NEUROD6: variants seen among roughly 807,000 people sequenced by gnomAD.
NEUROD6 encodes neuronal differentiation 6.
In NEUROD6, 5 loss-of-function variants were observed where a neutral mutation model predicts 24.1. That is an observed-to-expected ratio of 0.21 (90% CI 0.11 to 0.44). The LOEUF is 0.44. Among genes scored for constraint, NEUROD6 ranks in the 20% least tolerant of loss-of-function variants. The probability of loss-of-function intolerance (pLI) is 0.99; values close to 1 mark genes in which losing one functional copy is unlikely to be tolerated. For synonymous variants in NEUROD6, 182 were observed against 154.1 expected (o/e 1.18, Z -1.34); for missense variants, 325 against 409.5 (o/e 0.79, Z 1.78).
At chr7:31,340,062 CA>C (rs534519682) in intron 1 of NEUROD6, among the ~76,000 whole-genome samples, 5 of 151,808 alleles carry the variant, frequency 3.3e-5, no homozygotes, top group Non-Finnish European at 7.4e-5. Flanking sequence ...AAATTTTTTC[CA>C]AATAGAATTG....
chr7:31,339,285 ATTACCTG>A lies in NEUROD6; in HGVS notation c.-21-3_-18del, dbSNP rs1584667006. The A allele has an allele frequency of 1.3e-6, 2 of 1,563,466 alleles. No individual in the cohort carries two copies. Among genetic ancestry groups the A allele is most frequent in the South Asian group, 1.2e-5 (1 of 82,644 alleles). On this transcript the variant is annotated splice_acceptor_variant and splice_polypyrimidine_tract_variant and 5_prime_UTR_variant and intron_variant, in exon 2 of 2. Transcript: ENST00000297142. LOFTEE classifies it low-confidence loss of function (5UTR_SPLICE). The stretch of plus-strand genomic sequence containing the variant: ...TGTTAACATGGTTCTCTAATCTTAA[ATTACCTG>A]AAAAAATGCCAGCACAATATTTAAA...
intron 1 of NEUROD6, 69 bp from the exon 2 acceptor site, chr7:31,339,358 A>C: frequency 8.3e-7 from 1 of 1,200,224 alleles, no homozygotes; most frequent in Non-Finnish European, 1.1e-6. Context: ...AAACATATTT[A>C]ATTATTTAAT....
At position 31,338,205 on chromosome 7, in the gene NEUROD6, T is replaced by C. The variant is rs992089386; in HGVS notation, c.*50A>G. 15 of 1,498,898 alleles carry C rather than the reference T, an allele frequency of 1.0e-5. No individual in the cohort carries two copies. The highest frequency in any genetic ancestry group is 2.4e-5 in the South Asian group (2 of 85,102). 92.8% of individuals were successfully genotyped at this position (1,498,898 alleles called of 1,614,324 possible). ...TCAGCCCACAAGCATCTGCTTTGTC[T>C]TAATTAGACAGGGGAGGTGAATGAC... On this transcript the variant is annotated 3_prime_UTR_variant, in exon 2 of 2. Coordinates refer to ENST00000297142, the MANE Select transcript of NEUROD6 (RefSeq NM_022728.4). This position sits in a 1 kb window ranked among gnomAD's most constrained non-coding sequence, Gnocchi z 5.1.
Position 31,338,724 on chromosome 7 carries a change from T to G in NEUROD6, c.545A>C (p.Gln182Pro). ...CATCAGGAAACTCCTGGCGTTGAGC[T>G]GCAAGCAGCCTGCCACCAAGTTTGT... The part of the protein sequence containing the change: ...PTTNLVAGCL[Q>P]LNARSFLMGQ... The change falls in exon 2 of 2, where the codon CAG becomes CCG. Residue 182 changes from glutamine to proline, a missense_variant. This residue lies in a region of NEUROD6 where 175 missense variants were observed against 201.3 expected (regional missense o/e 0.87). Transcript: ENST00000297142. This position sits in a 1 kb window ranked among gnomAD's most constrained non-coding sequence, Gnocchi z 5.1. 1.2e-6 allele frequency: 2 copies of G among 1,614,104 alleles called. No homozygotes were observed. The highest frequency in any genetic ancestry group is 1.7e-6 in the Non-Finnish European group (2 of 1,180,024).
intron 1 of NEUROD6, among the ~76,000 whole-genome samples, chr7:31,340,197 A>C (rs1474153098): frequency 6.6e-6 from 1 of 152,226 alleles, no homozygotes; most frequent in Non-Finnish European, 1.5e-5. Flanking sequence ...TTCTGACTGC[A>C]ATTGTGCACG....
Position 31,339,066 on chromosome 7 carries a change from T to A in NEUROD6, c.203A>T (p.Glu68Val), listed in dbSNP as rs754658748. 1.1e-5 allele frequency: 17 copies of A among 1,614,082 alleles called. No individual in the cohort carries two copies. The East Asian group carries it at 3.8e-4, about 36-fold the overall frequency. Reference sequence around the variant, plus strand: ...CCTTCTAGGCAACCCATTTTCATCTTCCTCTTCCCTGTCTTCCTCCTCTTC... The same window carrying A: ...CCTTCTAGGCAACCCATTTTCATCTACCTCTTCCCTGTCTTCCTCCTCTTC... ...KEEEEEDREE[E>V]DENGLPRRRG... The change falls in exon 2 of 2, where the codon GAA becomes GTA. Residue 68 changes from glutamate (E) to valine (V), a missense_variant. Coordinates refer to ENST00000297142, the MANE Select transcript of NEUROD6 (RefSeq NM_022728.4).
Position 31,338,106 on chromosome 7 carries a change from A to G in NEUROD6, c.*149T>C, listed in dbSNP as rs1009293314. The G allele has an allele frequency of 1.1e-5, 7 of 609,946 alleles. No homozygotes were observed. Among genetic ancestry groups the G allele is most frequent in the African/African-American group, 7.4e-5 (4 of 54,418 alleles). The allele number at this position is 609,946 out of a possible 1,614,324, so 37.8% of individuals were successfully genotyped here. ...CATACGAAAAGAGATTTATTATTAC[A>G]TAGAAAATTCTCACAATAGTTGAAA... On this transcript the variant is annotated 3_prime_UTR_variant, in exon 2 of 2. Coordinates refer to ENST00000297142, the MANE Select transcript of NEUROD6 (RefSeq NM_022728.4). The surrounding 1 kb of genome is among the most constrained non-coding windows in gnomAD (Gnocchi z 5.1).
chr7:31,338,031 G>A lies in NEUROD6; in HGVS notation c.*224C>T, dbSNP rs1236096457. 1 of 501,862 alleles carries A rather than the reference G, an allele frequency of 2.0e-6. No homozygotes were observed. The highest frequency in any genetic ancestry group is 3.5e-6 in the Non-Finnish European group (1 of 287,156). 31.1% of individuals were successfully genotyped at this position (501,862 alleles called of 1,614,324 possible). A position where few individuals can be genotyped will look rare whatever the true frequency, so the allele number is the denominator to read the frequency against. ...TAAAAAGAAAAAAATCTTTCCAGTA[G>A]AAACAGAATCACAGTGCTTCACAGA... On this transcript the variant is annotated 3_prime_UTR_variant, in exon 2 of 2. Transcript: ENST00000297142. This position sits in a 1 kb window ranked among gnomAD's most constrained non-coding sequence, Gnocchi z 5.1.
In NEUROD6 at chr7:31,338,661, G is replaced by C. The variant is rs1783093596; in HGVS notation, c.608C>G (p.Pro203Arg). 1 of 1,614,024 alleles carries C rather than the reference G, an allele frequency of 6.2e-7. No homozygotes were observed. Among genetic ancestry groups the C allele is most frequent in the Non-Finnish European group, 8.5e-7 (1 of 1,180,006 alleles). Reference sequence around the variant, plus strand: ...GTAGGGTGGGTAGAAGGTAGAGTAGGGTGACCTTGTGTGGTGTGCAGCCTC... The same window carrying C: ...GTAGGGTGGGTAGAAGGTAGAGTAGCGTGACCTTGTGTGGTGTGCAGCCTC... ...GGEAAHHTRS[P>R]YSTFYPPYHS... The change falls in exon 2 of 2, where the codon CCC becomes CGC. Residue 203 changes from proline to arginine, a missense_variant. Coordinates refer to ENST00000297142, the MANE Select transcript of NEUROD6 (RefSeq NM_022728.4). This position sits in a 1 kb window ranked among gnomAD's most constrained non-coding sequence, Gnocchi z 5.1.
rs1433629102 is a variant in NEUROD6 at position 31,339,407 on chromosome 7, G to C, written c.-21-118C>G. 1.1e-5 allele frequency: 9 copies of C among 798,892 alleles called. No individual in the cohort carries two copies. The Admixed American group carries it at 3.2e-4, about 28-fold the overall frequency. The allele number at this position is 798,892 out of a possible 1,614,324, so 49.5% of individuals were successfully genotyped here. Reference sequence around the variant, plus strand: ...AAACACGTGAAAAAGACTGATTCTGGGCCTGATTTTTTAACATTAAATATA... The same window carrying C: ...AAACACGTGAAAAAGACTGATTCTGCGCCTGATTTTTTAACATTAAATATA... On this transcript the variant is annotated intron_variant, in intron 1 of 1. Transcript: ENST00000297142.
chr7:31,338,385 G>A lies in NEUROD6; in HGVS notation c.884C>T (p.Pro295Leu), dbSNP rs1438059429. The change falls in exon 2 of 2, where the codon CCA (proline) becomes CTA (leucine). Residue 295 changes from proline (P) to leucine (L), a missense_variant. This residue lies in a region of NEUROD6 where 175 missense variants were observed against 201.3 expected (regional missense o/e 0.87). Coordinates refer to ENST00000297142, the MANE Select transcript of NEUROD6 (RefSeq NM_022728.4). This position sits in a 1 kb window ranked among gnomAD's most constrained non-coding sequence, Gnocchi z 5.1. Reference protein sequence around the residue: ...YNYGMHYCAVPPRGPLGQGAM... With the variant: ...YNYGMHYCAVLPRGPLGQGAM... ...ACCCTGCCCAAGGGGACCCCTGGGT[G>A]GCACTGCACAGTAATGCATGCCGTA... 8 of 1,614,034 alleles carry A rather than the reference G, an allele frequency of 5.0e-6. No individual in the cohort carries two copies. The highest frequency in any genetic ancestry group is 6.8e-6 in the Non-Finnish European group (8 of 1,180,044).
intron 1 of NEUROD6, among the ~76,000 whole-genome samples, chr7:31,339,754 AC>A: frequency 1.1e-5 from 1 of 90,810 alleles, no homozygotes; most frequent in African/African-American, 3.3e-5. Context: ...TTTTTTTAAA[AC>A]AAACAAACAA....
chr7:31,337,526 A>G lies in NEUROD6; in HGVS notation c.*729T>C, dbSNP rs1387284492. On this transcript the variant is annotated 3_prime_UTR_variant, in exon 2 of 2. Transcript: ENST00000297142. Reference sequence around the variant, plus strand: ...AAATGTGGGGTGGAAAAACACAATTATACATTGTGATAACAAACCTGTACA... The same window carrying G: ...AAATGTGGGGTGGAAAAACACAATTGTACATTGTGATAACAAACCTGTACA... 2.6e-5 allele frequency: 4 copies of G among 152,686 alleles called. No homozygotes were observed. In the East Asian group the frequency reaches 7.7e-4, roughly 29 times the overall value. The allele number at this position is 152,686 out of a possible 1,614,324, so 9.5% of individuals were successfully genotyped here. A position where few individuals can be genotyped will look rare whatever the true frequency, so the allele number is the denominator to read the frequency against.
chr7:31,338,238 TATTTTC>T lies in NEUROD6; in HGVS notation c.*11_*16del. On this transcript the variant is annotated 3_prime_UTR_variant, in exon 2 of 2. Transcript: ENST00000297142. The surrounding 1 kb of genome is among the most constrained non-coding windows in gnomAD (Gnocchi z 5.1). ...ACAGGGGAGGTGAATGACCACTGTT[TATTTTC>T]ATTTTCCTCATTAATTATGAAAAAC... The T allele has an allele frequency of 6.2e-7, 1 of 1,605,590 alleles. No individual in the cohort carries two copies. Among genetic ancestry groups the T allele is most frequent in the Non-Finnish European group, 8.5e-7 (1 of 1,172,854 alleles).
Position 31,337,476 on chromosome 7 carries a change from A to C in NEUROD6, c.*779T>G, listed in dbSNP as rs530510036. 6 of 152,768 alleles carry C rather than the reference A, an allele frequency of 3.9e-5. No homozygotes were observed. The highest frequency in any genetic ancestry group is 1.4e-4 in the African/African-American group (6 of 41,570). The allele number at this position is 152,768 out of a possible 1,614,324, so 9.5% of individuals were successfully genotyped here. A position where few individuals can be genotyped will look rare whatever the true frequency, so the allele number is the denominator to read the frequency against. ...GCTAGTAGATGTCCTTTACGAGTGG[A>C]AATATCTATATTTAATTGCCTTAAA... On this transcript the variant is annotated 3_prime_UTR_variant, in exon 2 of 2. Coordinates refer to ENST00000297142, the MANE Select transcript of NEUROD6 (RefSeq NM_022728.4).
Position 31,338,692 on chromosome 7 carries a change from C to A in NEUROD6, c.577G>T (p.Gly193Cys). Residue 193 changes from glycine (G) to cysteine (C), a missense_variant, in exon 2 of 2, where the codon GGT becomes TGT. Coordinates refer to ENST00000297142, the MANE Select transcript of NEUROD6 (RefSeq NM_022728.4). The surrounding 1 kb of genome is among the most constrained non-coding windows in gnomAD (Gnocchi z 5.1). ...CTTGTGTGGTGTGCAGCCTCCCCAC[C>A]CTGACCCATCAGGAAACTCCTGGCG... is the stretch of plus-strand genomic sequence containing the variant. ...LNARSFLMGQ[G>C]GEAAHHTRSP... is the part of the protein sequence containing the mutation. The A allele has an allele frequency of 6.2e-7, 1 of 1,614,018 alleles. No homozygotes were observed. The highest frequency in any genetic ancestry group is 8.5e-7 in the Non-Finnish European group (1 of 1,180,008).
In NEUROD6 at chr7:31,339,242, A is replaced by G; in HGVS notation, c.27T>C (p.Ser9=). The change falls in exon 2 of 2, where the codon TCT becomes TCC. Residue 9 remains serine (S), a synonymous_variant. Coordinates refer to ENST00000297142, the MANE Select transcript of NEUROD6 (RefSeq NM_022728.4). ...ACATCTGGGATTCTGGCATTACAAC[A>G]GACTCATCAAACGGTAGTGTTAACA... MLTLPFDE[S]VVMPESQMCR... is the part of the protein sequence containing the mutation. 6.2e-7 allele frequency: 1 copy of G among 1,612,524 alleles called. No homozygotes were observed. The highest frequency in any genetic ancestry group is 8.5e-7 in the Non-Finnish European group (1 of 1,179,494).
rs1783086904 is a variant in NEUROD6, at chr7:31,338,136, C to T, written c.*119G>A. The T allele has an allele frequency of 2.7e-6, 2 of 750,084 alleles. No homozygotes were observed. Among genetic ancestry groups the T allele is most frequent in the East Asian group, 5.4e-5 (2 of 36,962 alleles). The allele number at this position is 750,084 out of a possible 1,614,324, so 46.5% of individuals were successfully genotyped here. A position where few individuals can be genotyped will look rare whatever the true frequency, so the allele number is the denominator to read the frequency against. ...AAATTCTCACAATAGTTGAAACACA[C>T]TTCAGAAACTAGTAAACACCTTAGA... On this transcript the variant is annotated 3_prime_UTR_variant, in exon 2 of 2. Coordinates refer to ENST00000297142, the MANE Select transcript of NEUROD6 (RefSeq NM_022728.4). The surrounding 1 kb of genome is among the most constrained non-coding windows in gnomAD (Gnocchi z 5.1).
At chr7:31,339,439 A>C in intron 1 of NEUROD6, 150 bp from the exon 2 acceptor site, 2 of 612,250 alleles carry the variant, frequency 3.3e-6, no homozygotes, top group Non-Finnish European at 5.1e-6. Flanking sequence ...TATAATTTTG[A>C]GTTTGTGAAG....
Sources: allele counts gnomAD v4.1 joint callset (sites outside exome capture counted in the v4.1 genomes callset), GRCh38; gene constraint gnomAD v4.1.1; regional missense constraint gnomAD v4.1.1; non-coding constraint Gnocchi (gnomAD v3.1); transcripts MANE v1.5; gene names NCBI Gene and HGNC (gene_info 2026-07-23, HGNC 2026-07-21).